Variants in C5orf58 observed in about 807,000 individuals in gnomAD.
The protein encoded by C5orf58 is putative uncharacterized protein C5orf58.
In C5orf58, 2 loss-of-function variants were observed where a neutral mutation model predicts 2.9. The ratio of observed to expected loss-of-function variants is 0.69; its 90% CI spans 0.28 to 2.18. The LOEUF is 2.18. C5orf58 is among the 30% of genes most tolerant of loss of function. C5orf58 has a pLI of 0.13. For synonymous variants in C5orf58, 37 were observed against 33.4 expected (o/e 1.11, Z -0.37); for missense variants, 96 against 91.7 (o/e 1.05, Z -0.19).
chr5:170,252,543 AT>A, downstream of C5orf58: 1 of 1,121,346 alleles, frequency 8.9e-7, no homozygotes, highest in Non-Finnish European at 1.3e-6. Flanking sequence ...AACTGAATAA[AT>A]TTTACAGTTA....
exon 3 of C5orf58, chr5:170,251,918 GATAA>G (rs1208227560): frequency 1.2e-5 from 3 of 244,798 alleles, no homozygotes; most frequent in East Asian, 8.4e-5. Flanking sequence ...TCCCATTTCT[GATAA>G]ATAAATCTAA....
chr5:170,242,712 A>G (rs1314704611), intron 3 of C5orf58, among the ~76,000 whole-genome samples: 1 of 145,840 alleles, frequency 6.9e-6, no homozygotes, highest in Non-Finnish European at 1.5e-5. Flanking sequence ...AATTTTGTTG[A>G]TCCTTTCAAA....
chr5:170,248,689 A>G (rs771925036), downstream of C5orf58: 16 of 1,611,624 alleles, frequency 9.9e-6, no homozygotes, highest in East Asian at 1.6e-4. Context: ...TTGCTCGGCT[A>G]TAACTTGCTA....
chr5:170,242,693 C>T (rs1254503619), intron 3 of C5orf58, among the ~76,000 whole-genome samples: 16 of 142,326 alleles, frequency 1.1e-4, no homozygotes, highest in African/African-American at 1.6e-4. Context: ...GTCTTGCTAG[C>T]GGTCTATCAA....
At chr5:170,250,830 A>T, downstream of C5orf58, 1 of 1,612,622 alleles carries the variant, frequency 6.2e-7, no homozygotes, top group Non-Finnish European at 8.5e-7. Context: ...CACCATGAGG[A>T]CATATGGATT....
At chr5:170,237,260 C>A in intron 3 of C5orf58, 1 of 398,362 alleles carries the variant, frequency 2.5e-6, no homozygotes. Context: ...CTCACTTCCT[C>A]CCCTAAATAG....
chr5:170,249,091 G>C (rs1004056821), downstream of C5orf58, among the ~76,000 whole-genome samples: 4 of 152,164 alleles, frequency 2.6e-5, no homozygotes, highest in African/African-American at 9.7e-5. Context: ...GGAGGCTAAG[G>C]CCGGTGGATC....
chr5:170,249,362 G>GTGTATATA (rs549497220), downstream of C5orf58, among the ~76,000 whole-genome samples: 11 of 108,134 alleles, frequency 1.0e-4, no homozygotes, highest in East Asian at 1.5e-3. Context: ...GCATGCGTGT[G>GTGTATATA]TATATATATA....
intron 2 of C5orf58, 96 bp from the exon 3 acceptor site, chr5:170,234,881 A>T: frequency 1.8e-6 from 1 of 551,064 alleles, no homozygotes; most frequent in Non-Finnish European, 3.1e-6. Context: ...TTATTTCTGA[A>T]ATAACAGATT....
chr5:170,250,757 C>A (rs754665101), downstream of C5orf58: 34 of 1,613,384 alleles, frequency 2.1e-5, no homozygotes, highest in South Asian at 1.2e-4. Flanking sequence ...CAGTTCCCAA[C>A]AAGTAAACTT....
At chr5:170,233,113 AC>A in intron 1 of C5orf58, 106 bp downstream of exon 1, 1 of 387,896 alleles carries the variant, frequency 2.6e-6, no homozygotes, top group Non-Finnish European at 3.5e-6. Flanking sequence ...CCACCACCCA[AC>A]GGGTGGGCGG....
chr5:170,248,042 T>G (rs1389406919), downstream of C5orf58: 1 of 152,240 alleles, frequency 6.6e-6, no homozygotes, highest in Non-Finnish European at 1.5e-5. Flanking sequence ...TATAACAGTA[T>G]GGACTAAAAG....
chr5:170,240,530 T>G (rs1210352594), intron 3 of C5orf58, among the ~76,000 whole-genome samples: 1 of 151,868 alleles, frequency 6.6e-6, no homozygotes, highest in Admixed American at 6.6e-5. Flanking sequence ...TGGCCAGTGA[T>G]GATGAGCATT....
intron 1 of C5orf58, chr5:170,233,586 C>T (rs1760609864): frequency 1.3e-5 from 2 of 154,880 alleles, no homozygotes; most frequent in African/African-American, 2.4e-5. Flanking sequence ...CCGGAGATGG[C>T]GCTCTAGTGG....
chr5:170,235,707 T>C (rs544942024), intron 3 of C5orf58, among the ~76,000 whole-genome samples: 17 of 152,334 alleles, frequency 1.1e-4, no homozygotes, highest in African/African-American at 4.1e-4. Context: ...CCCCTATTGC[T>C]TTCACCTAAG....
intron 3 of C5orf58, among the ~76,000 whole-genome samples, chr5:170,239,999 C>A (rs1469416228): frequency 7.0e-6 from 1 of 143,768 alleles, no homozygotes; most frequent in Non-Finnish European, 1.5e-5. Flanking sequence ...TTGTTCAATT[C>A]CCACCTATAA....
chr5:170,242,754 G>A (rs1170519226), intron 3 of C5orf58, among the ~76,000 whole-genome samples: 1 of 151,264 alleles, frequency 6.6e-6, no homozygotes, highest in African/African-American at 2.4e-5. Flanking sequence ...AATTTTTGAA[G>A]GGTTTTTTGT....
intron 3 of C5orf58, among the ~76,000 whole-genome samples, chr5:170,235,820 A>C (rs1373883763): frequency 6.6e-6 from 1 of 152,178 alleles, no homozygotes; most frequent in African/African-American, 2.4e-5. Context: ...TGAGGCCTAC[A>C]TCTATAAGTA....
chr5:170,251,009 A>G, downstream of C5orf58: 1 of 679,138 alleles, frequency 1.5e-6, no homozygotes, highest in Non-Finnish European at 2.5e-6. Flanking sequence ...CAGCTTCTTG[A>G]GTGCAAAACC....
Sources: gnomAD v4.1 joint callset for allele counts (sites outside exome capture counted in the v4.1 genomes callset) on GRCh38, gnomAD v4.1.1 for gene constraint, MANE v1.5 for transcripts, NCBI Gene and HGNC (gene_info 2026-07-23, HGNC 2026-07-21) for gene names.